The following ANKRD11 variants were observed in gnomAD, a reference collection of about 807,000 sequenced individuals.
The protein encoded by ANKRD11 is ankyrin repeat domain-containing protein 11.
A neutral mutation model predicts 195.7 loss-of-function variants in ANKRD11; 17 were observed. That is an observed-to-expected ratio of 0.09 (90% CI 0.06 to 0.13). The LOEUF (loss-of-function observed/expected upper bound fraction) is 0.13. Ranked by LOEUF, ANKRD11 falls within the 10% of genes least tolerant of loss-of-function variation. ANKRD11 has a pLI of 1.00. For synonymous variants in ANKRD11, 1,953 were observed against 1,528.1 expected, an observed-to-expected ratio of 1.28 and a Z score of -6.49; for missense variants, 3,735 against 3,566.1, an observed-to-expected ratio of 1.05 and a Z score of -1.21.
At chr16:89,453,834 G>A (rs1461300778) in intron 1 of ANKRD11, among the ~76,000 whole-genome samples, 1 of 152,148 alleles carries the variant, frequency 6.6e-6, no homozygotes, top group African/African-American at 2.4e-5. Context: ...GTGAATTCGA[G>A]GCAGGACTCT....
At chr16:89,450,215 G>A (rs2044007650) in intron 1 of ANKRD11, among the ~76,000 whole-genome samples, 1 of 152,138 alleles carries the variant, frequency 6.6e-6, no homozygotes, top group Non-Finnish European at 1.5e-5. Context: ...GCATGGAGCT[G>A]GCTCAGACCG....
At position 89,321,378 on chromosome 16, in the gene ANKRD11, C is replaced by T. The variant is rs555151385; in HGVS notation, c.-59-4300G>A. On this transcript the variant is annotated intron_variant, in intron 2 of 12. Coordinates refer to ENST00000301030, the MANE Select transcript of ANKRD11 (RefSeq NM_013275.6). ...ACCCTGAGACACCTGTCGGGCGGGG[C>T]AGGACTGGGGCTGCAGGGCGGGACT... is the stretch of plus-strand genomic sequence containing the variant. 1.3e-3 allele frequency among the ~76,000 whole-genome samples: 191 copies of T among 148,008 alleles called. 1 individual carries two copies. The highest frequency in any genetic ancestry group is 4.6e-3 in the African/African-American group (182 of 39,934).
chr16:89,386,438 G>C (rs548017522), intron 2 of ANKRD11, among the ~76,000 whole-genome samples: 1 of 152,154 alleles, frequency 6.6e-6, no homozygotes, highest in Non-Finnish European at 1.5e-5. Flanking sequence ...CCAGCCACTG[G>C]TCCCTAGCAA....
At chr16:89,324,308 G>C (rs989565246) in intron 2 of ANKRD11, 1 of 1,272,848 alleles carries the variant, frequency 7.9e-7, no homozygotes, top group African/African-American at 1.5e-5. Flanking sequence ...CCCGACAGGA[G>C]CACGGACACA....
rs188342986 is a variant in ANKRD11, at chr16:89,302,404, C to A, written c.226+2802G>T. On this transcript the variant is annotated intron_variant, in intron 4 of 12. Transcript: ENST00000301030. ...AGTAGCTGGGATTACAGGCACCCGCCGCCACACCTGGCTAATTTTTGTATT... is the reference window on the plus strand; with the variant it reads ...AGTAGCTGGGATTACAGGCACCCGCAGCCACACCTGGCTAATTTTTGTATT... Among the ~76,000 whole-genome samples, 4 of 152,282 alleles carry A rather than the reference C, an allele frequency of 2.6e-5. No homozygotes were observed. The East Asian group carries it at 7.7e-4, about 29-fold the overall frequency.
At position 89,429,802 on chromosome 16, in the gene ANKRD11, T is replaced by G. The variant is rs1256649640; in HGVS notation, c.-144-11434A>C. 1.5e-3 allele frequency among the ~76,000 whole-genome samples: 48 copies of G among 32,468 alleles called. 1 individual carries two copies. The highest frequency in any genetic ancestry group is 2.1e-3 in the East Asian group (2 of 956). 21.3% of individuals were successfully genotyped at this position (32,468 alleles called of 152,430 possible). A position where few individuals can be genotyped will look rare whatever the true frequency, so the allele number is the denominator to read the frequency against. On this transcript the variant is annotated intron_variant, in intron 1 of 12. Transcript: ENST00000301030. ...CTCAGTCGTTCTAGTACACAGCAGG[T>G]ACTCTCAACTCTCGCGCTCAGACGT... is the stretch of plus-strand genomic sequence containing the variant.
chr16:89,444,186 A>C (rs1298119181), intron 1 of ANKRD11, among the ~76,000 whole-genome samples: 1 of 152,056 alleles, frequency 6.6e-6, no homozygotes, highest in Non-Finnish European at 1.5e-5. Flanking sequence ...AGATACTGAT[A>C]TGCAAGTTTT....
intron 2 of ANKRD11, among the ~76,000 whole-genome samples, chr16:89,374,707 C>G (rs2040344633): frequency 6.6e-6 from 1 of 152,178 alleles, no homozygotes; most frequent in South Asian, 2.1e-4. Context: ...CAACTCTGCT[C>G]AGGTAAGGAC....
chr16:89,432,565 G>A (rs1003365543), intron 1 of ANKRD11, among the ~76,000 whole-genome samples: 2 of 152,124 alleles, frequency 1.3e-5, no homozygotes, highest in African/African-American at 4.8e-5. Flanking sequence ...ATTCTTCAAA[G>A]TCAAGCTCAG....
intron 2 of ANKRD11, among the ~76,000 whole-genome samples, chr16:89,329,929 G>A (rs564687098): frequency 2.6e-4 from 39 of 152,090 alleles, no homozygotes; most frequent in African/African-American, 9.4e-4. Context: ...GGCAGAGGCT[G>A]CCGTGAGCAG....
intron 3 of ANKRD11, among the ~76,000 whole-genome samples, chr16:89,315,068 G>C (rs2036865485): frequency 6.6e-6 from 1 of 152,116 alleles, no homozygotes; most frequent in Admixed American, 6.5e-5. Flanking sequence ...AACATGACAG[G>C]TTTTTGATCC....
At chr16:89,286,488 C>T (rs1426054260) in intron 7 of ANKRD11, 6 of 515,268 alleles carry the variant, frequency 1.2e-5, no homozygotes, top group South Asian at 2.0e-5. Flanking sequence ...TCTCCGTTGC[C>T]GCAAGTAGAC....
At chr16:89,294,366 A>G (rs1162170031) in intron 4 of ANKRD11, among the ~76,000 whole-genome samples, 1 of 152,122 alleles carries the variant, frequency 6.6e-6, no homozygotes, top group Non-Finnish European at 1.5e-5. Flanking sequence ...CCCTGTCCTG[A>G]AACAGGACTT....
intron 1 of ANKRD11, among the ~76,000 whole-genome samples, chr16:89,484,146 C>A (rs1006955726): frequency 5.3e-4 from 80 of 152,314 alleles, no homozygotes; most frequent in African/African-American, 1.9e-3. Flanking sequence ...ATCCTTTAAT[C>A]AGCCAGACAT....
At chr16:89,410,673 TAATA>T (rs1393342758) in intron 2 of ANKRD11, among the ~76,000 whole-genome samples, 1 of 152,250 alleles carries the variant, frequency 6.6e-6, no homozygotes, top group Admixed American at 6.5e-5. Flanking sequence ...TTATTTTTCC[TAATA>T]AATAAATCAT....
rs144464283 is a variant in ANKRD11 at position 89,460,472 on chromosome 16, T to C, written c.-145+29773A>G. Among the ~76,000 whole-genome samples the C allele has an allele frequency of 3.6e-3, 547 of 152,054 alleles. 4 individuals carry two copies. Among genetic ancestry groups the C allele is most frequent in the African/African-American group, 0.012 (497 of 41,434 alleles). On this transcript the variant is annotated intron_variant, in intron 1 of 12. Coordinates refer to ENST00000301030, the MANE Select transcript of ANKRD11 (RefSeq NM_013275.6). The stretch of plus-strand genomic sequence containing the variant: ...TACTCAGGAGGCTGAAGCAGGAAAA[T>C]TGCTTGAACTTGGGAGGTGGGGGAT...
At chr16:89,475,042 G>A (rs533211169) in intron 1 of ANKRD11, among the ~76,000 whole-genome samples, 24 of 152,316 alleles carry the variant, frequency 1.6e-4, no homozygotes, top group African/African-American at 5.5e-4. Flanking sequence ...AAGTAAGGGG[G>A]TGGCAGCCGG....
chr16:89,481,824 G>C (rs2057454100), intron 1 of ANKRD11, among the ~76,000 whole-genome samples: 1 of 151,782 alleles, frequency 6.6e-6, no homozygotes. Context: ...CCCAGCCTTT[G>C]TCCCCAGCCT....
chr16:89,274,787 T>G, intron 11 of ANKRD11, 27 bp downstream of exon 11: 1 of 1,606,466 alleles, frequency 6.2e-7, no homozygotes, highest in Non-Finnish European at 8.5e-7. Flanking sequence ...CTTGGACTCA[T>G]GGGCCTGGCA....
Sources: gnomAD v4.1 joint callset for allele counts (sites outside exome capture counted in the v4.1 genomes callset) on GRCh38, gnomAD v4.1.1 for gene constraint, MANE v1.5 for transcripts, NCBI Gene and HGNC (gene_info 2026-07-23, HGNC 2026-07-21) for gene names.